The following ALG14 variants were observed in gnomAD, a reference collection of about 807,000 sequenced individuals.
ALG14 encodes ALG14 UDP-N-acetylglucosaminyltransferase subunit, also known as UDP-N-acetylglucosamine transferase subunit ALG14.
A neutral mutation model predicts 22.8 loss-of-function variants in ALG14; 17 were observed. The ratio of observed to expected loss-of-function variants is 0.75; its 90% CI spans 0.51 to 1.12. The LOEUF is 1.12. Ranked by LOEUF, ALG14 falls within the 50% of genes most tolerant of loss-of-function variation. The pLI is 0.00. For synonymous variants in ALG14, 89 were observed against 103.7 expected, an observed-to-expected ratio of 0.86 and a Z score of 0.86; for missense variants, 288 against 271.8, an observed-to-expected ratio of 1.06 and a Z score of -0.42.
chr1:95,010,878 CTA>C (rs1221995483), intron 3 of ALG14, among the ~76,000 whole-genome samples: 1 of 151,992 alleles, frequency 6.6e-6, no homozygotes, highest in Non-Finnish European at 1.5e-5. Context: ...GTAAAAAGTT[CTA>C]AAGATTTGGA....
At chr1:94,986,262 G>A (rs1672636871) in intron 3 of ALG14, among the ~76,000 whole-genome samples, 1 of 152,194 alleles carries the variant, frequency 6.6e-6, no homozygotes, top group South Asian at 2.1e-4. Context: ...CTTATGGGCA[G>A]AGTCCGCTTC....
intron 2 of ALG14, among the ~76,000 whole-genome samples, chr1:95,048,627 G>A (rs1392050198): frequency 1.3e-5 from 2 of 152,048 alleles, no homozygotes; most frequent in Non-Finnish European, 2.9e-5. Context: ...ACCTTCATAG[G>A]GCTCTGGTAA....
chr1:95,032,295 G>T (rs1218356920), intron 2 of ALG14, among the ~76,000 whole-genome samples: 1 of 152,144 alleles, frequency 6.6e-6, no homozygotes, highest in Non-Finnish European at 1.5e-5. Context: ...GGACACAAGG[G>T]GGGTAATTTG....
chr1:95,032,552 TC>T (rs1308175944), intron 2 of ALG14, among the ~76,000 whole-genome samples: 2 of 152,076 alleles, frequency 1.3e-5, no homozygotes, highest in African/African-American at 4.8e-5. Flanking sequence ...GGGTCCTCTT[TC>T]CAAAAAATAG....
chr1:95,040,296 G>A (rs1181672387), intron 2 of ALG14, among the ~76,000 whole-genome samples: 1 of 152,136 alleles, frequency 6.6e-6, no homozygotes, highest in Non-Finnish European at 1.5e-5. Context: ...GACAGAGCTG[G>A]TTATTAGCAG....
At chr1:95,006,421 C>T (rs535286690) in intron 3 of ALG14, among the ~76,000 whole-genome samples, 3 of 152,168 alleles carry the variant, frequency 2.0e-5, no homozygotes, top group Non-Finnish European at 1.5e-5. Context: ...TTGAGAATCA[C>T]TAGTGAGAGA....
chr1:95,016,940 GGGGTGTGT>G (rs1291662512), intron 3 of ALG14, among the ~76,000 whole-genome samples: 6 of 118,594 alleles, frequency 5.1e-5, no homozygotes, highest in African/African-American at 2.0e-4. Flanking sequence ...TTTTGCAAAA[GGGGTGTGT>G]GTGTGTGTGT....
At chr1:95,039,258 CG>C (rs1330452610) in intron 2 of ALG14, among the ~76,000 whole-genome samples, 4 of 151,832 alleles carry the variant, frequency 2.6e-5, no homozygotes, top group African/African-American at 9.7e-5. Flanking sequence ...GGAGTTGGAG[CG>C]GAATAATGGG....
chr1:95,037,124 A>T (rs1035297239), intron 2 of ALG14, among the ~76,000 whole-genome samples: 2 of 151,872 alleles, frequency 1.3e-5, no homozygotes, highest in Non-Finnish European at 2.9e-5. Context: ...AGCCTTTTAT[A>T]AATGCACATT....
intron 1 of ALG14, among the ~76,000 whole-genome samples, chr1:95,069,022 C>T (rs1675471888): frequency 6.6e-6 from 1 of 152,216 alleles, no homozygotes. Context: ...ACACCTATCA[C>T]TCCAGTCAGA....
intron 3 of ALG14, among the ~76,000 whole-genome samples, chr1:95,026,459 G>C (rs1381842018): frequency 1.4e-5 from 2 of 138,794 alleles, no homozygotes; most frequent in African/African-American, 5.6e-5. Flanking sequence ...GGAAGCCCAA[G>C]GAATGTGTGT....
intron 2 of ALG14, among the ~76,000 whole-genome samples, chr1:95,029,142 G>T (rs1249141227): frequency 1.3e-5 from 2 of 152,152 alleles, no homozygotes; most frequent in Non-Finnish European, 2.9e-5. Flanking sequence ...CAAGTGGGTG[G>T]CTGGGGTTGT....
chr1:95,021,375 C>G (rs887370805), intron 3 of ALG14, among the ~76,000 whole-genome samples: 3 of 152,164 alleles, frequency 2.0e-5, no homozygotes, highest in Admixed American at 6.5e-5. Context: ...TAAAACTTCC[C>G]ATGACGCTTC....
chr1:95,034,381 G>T (rs1373904217), intron 2 of ALG14, among the ~76,000 whole-genome samples: 1 of 152,198 alleles, frequency 6.6e-6, no homozygotes, highest in Admixed American at 6.5e-5. Flanking sequence ...CTTGCTCACT[G>T]CTACGATCCC....
chr1:95,019,691 G>A (rs937627364), intron 3 of ALG14, among the ~76,000 whole-genome samples: 1 of 152,250 alleles, frequency 6.6e-6, no homozygotes, highest in Non-Finnish European at 1.5e-5. Flanking sequence ...GTAAAGAAGC[G>A]ATAACCTGGC....
At chr1:95,047,866 C>G (rs1157018167) in intron 2 of ALG14, among the ~76,000 whole-genome samples, 1 of 152,020 alleles carries the variant, frequency 6.6e-6, no homozygotes, top group Non-Finnish European at 1.5e-5. Context: ...GTTCTAGCTA[C>G]TTGGGAAGCT....
intron 2 of ALG14, among the ~76,000 whole-genome samples, chr1:95,048,886 A>T (rs1674655713): frequency 6.6e-6 from 1 of 151,928 alleles, no homozygotes; most frequent in South Asian, 2.1e-4. Flanking sequence ...TACTTAAACT[A>T]CTCAGAGAAA....
rs181691060 is a variant in ALG14, at chr1:94,991,979, A to G, written c.421-8673T>C. Among the ~76,000 whole-genome samples the G allele has an allele frequency of 3.3e-3, 497 of 152,184 alleles. 1 individual carries two copies. Among genetic ancestry groups the G allele is most frequent in the African/African-American group, 0.012 (478 of 41,522 alleles). On this transcript the variant is annotated intron_variant, in intron 3 of 3. Transcript: ENST00000370205. ...CCACCTCCACATCTTGTCCCACTGA[A>G]AGGTCTTCAGGGCCACTAACACGCA...
chr1:95,029,666 A>C (rs1269651033), intron 2 of ALG14, among the ~76,000 whole-genome samples: 1 of 152,212 alleles, frequency 6.6e-6, no homozygotes, highest in East Asian at 1.9e-4. Context: ...ACATTCTTGC[A>C]CTCAGAAAAA....
Sources: allele counts gnomAD v4.1 joint callset (sites outside exome capture counted in the v4.1 genomes callset), GRCh38; gene constraint gnomAD v4.1.1; transcripts MANE v1.5; gene names NCBI Gene and HGNC (gene_info 2026-07-23, HGNC 2026-07-21).